EXOC6B: variants seen among roughly 807,000 people sequenced by gnomAD.
EXOC6B encodes exocyst complex component 6B.
EXOC6B carries 54 observed loss-of-function variants against 113.5 expected under a neutral mutation model. The observed-to-expected ratio is 0.48, with a 90% CI of 0.38 to 0.60. EXOC6B has a LOEUF of 0.60. Ranked by LOEUF, EXOC6B falls within the 20% of genes least tolerant of loss-of-function variation. The pLI is 0.00. For synonymous variants in EXOC6B, 357 were observed against 339.0 expected, an observed-to-expected ratio of 1.05 and a Z score of -0.58; for missense variants, 797 against 977.5, an observed-to-expected ratio of 0.82 and a Z score of 2.46.
intron 18 of EXOC6B, among the ~76,000 whole-genome samples, chr2:72,458,389 G>C (rs1697384090): frequency 6.6e-6 from 1 of 152,108 alleles, no homozygotes; most frequent in African/African-American, 2.4e-5. Flanking sequence ...AATCTATTTT[G>C]TGGAAACCCA....
At chr2:72,495,300 G>A in intron 15 of EXOC6B, 130 bp downstream of exon 15, 1 of 553,882 alleles carries the variant, frequency 1.8e-6, no homozygotes. Context: ...GCAGTGCCAT[G>A]CAGTGAAAAG....
chr2:72,555,247 T>C (rs1440524878), intron 8 of EXOC6B, among the ~76,000 whole-genome samples: 2 of 152,212 alleles, frequency 1.3e-5, no homozygotes, highest in East Asian at 3.8e-4. Context: ...GTAGCATGAT[T>C]TATAATCCTT....
At chr2:72,289,840 T>C (rs1039912976) in intron 20 of EXOC6B, among the ~76,000 whole-genome samples, 1 of 152,090 alleles carries the variant, frequency 6.6e-6, no homozygotes, top group Non-Finnish European at 1.5e-5. Flanking sequence ...TGGGCTATGA[T>C]CACACCATTG....
intron 6 of EXOC6B, among the ~76,000 whole-genome samples, chr2:72,660,981 CTT>C (rs981538720): frequency 4.6e-5 from 7 of 151,784 alleles, no homozygotes; most frequent in African/African-American, 1.7e-4. Context: ...CCTTTTTTCT[CTT>C]TCTTTTCTCT....
At position 72,559,434 on chromosome 2, in the gene EXOC6B, G is replaced by A. The variant is rs775424480; in HGVS notation, c.915+19C>T. 6.6e-7 allele frequency: 1 copy of A among 1,516,300 alleles called. No homozygotes were observed. The highest frequency in any genetic ancestry group is 8.9e-7 in the Non-Finnish European group (1 of 1,128,706). 93.9% of individuals were successfully genotyped at this position (1,516,300 alleles called of 1,614,324 possible). ...ACTCAATGGACATCTTTATTAGGCAGAGCCAGATAAAGACTCACCAGGACA... is the reference window on the plus strand; with the variant it reads ...ACTCAATGGACATCTTTATTAGGCAAAGCCAGATAAAGACTCACCAGGACA... On this transcript the variant is annotated intron_variant, in intron 8 of 21. Transcript: ENST00000272427.
At chr2:72,308,455 G>A (rs143326163) in intron 20 of EXOC6B, among the ~76,000 whole-genome samples, 142 of 152,286 alleles carry the variant, frequency 9.3e-4, no homozygotes, top group African/African-American at 3.3e-3. Flanking sequence ...GAAGGAATAC[G>A]TTAAGCTAAA....
At chr2:72,191,754 C>T (rs777982715) in intron 20 of EXOC6B, among the ~76,000 whole-genome samples, 26 of 152,054 alleles carry the variant, frequency 1.7e-4, no homozygotes, top group Non-Finnish European at 3.1e-4. Context: ...CTTAGGAATG[C>T]GATTATTATT....
At chr2:72,755,959 T>C (rs1416227157) in intron 1 of EXOC6B, among the ~76,000 whole-genome samples, 1 of 152,096 alleles carries the variant, frequency 6.6e-6, no homozygotes, top group Non-Finnish European at 1.5e-5. Flanking sequence ...CCATGGACAA[T>C]CAGGCTGCAA....
chr2:72,461,687 T>G (rs541558225), intron 18 of EXOC6B: 3 of 152,140 alleles, frequency 2.0e-5, no homozygotes, highest in Non-Finnish European at 4.4e-5. Context: ...ATTATTTCAT[T>G]AAGTTCAAAT....
chr2:72,293,336 G>T (rs1369876504), intron 20 of EXOC6B, among the ~76,000 whole-genome samples: 1 of 152,106 alleles, frequency 6.6e-6, no homozygotes, highest in African/African-American at 2.4e-5. Context: ...TATAGTAGAA[G>T]AATGGAGACA....
intron 20 of EXOC6B, among the ~76,000 whole-genome samples, chr2:72,301,421 G>A (rs1306216665): frequency 6.6e-6 from 1 of 152,192 alleles, no homozygotes; most frequent in Non-Finnish European, 1.5e-5. Context: ...CAGTAGGAAT[G>A]TTACCAGTTC....
intron 20 of EXOC6B, among the ~76,000 whole-genome samples, chr2:72,199,432 A>C (rs1679360219): frequency 6.6e-6 from 1 of 152,240 alleles, no homozygotes. Flanking sequence ...AAGTGAAGAG[A>C]TATGTCTTAA....
rs375972673 is a variant in EXOC6B at position 72,495,463 on chromosome 2, G to A, written c.1520C>T (p.Ala507Val). 4 of 1,604,270 alleles carry A rather than the reference G, an allele frequency of 2.5e-6. No homozygotes were observed. In the African/African-American group the frequency reaches 5.4e-5, roughly 21 times the overall value. Residue 507 changes from alanine to valine, a missense_variant, in exon 15 of 22, where the codon GCT becomes GTT. Physicochemically the swap from Ala to Val is moderately conservative, Grantham distance 64. Transcript: ENST00000272427. ...VYNQIKEFIY[A>V]CLKFSEDLHL... ...AAGATCTTCTGAAAACTTCAGACAA[G>A]CGTAGATAAATTCTTTAATTTGGTT... is the stretch of plus-strand genomic sequence containing the variant.
chr2:72,189,176 T>TA (rs927202350), intron 20 of EXOC6B, among the ~76,000 whole-genome samples: 7 of 152,228 alleles, frequency 4.6e-5, no homozygotes, highest in Admixed American at 3.9e-4. Flanking sequence ...GATTGAGTAT[T>TA]ATGTTTAGCT....
intron 18 of EXOC6B, chr2:72,462,445 C>T (rs941540782): frequency 2.0e-5 from 3 of 151,774 alleles, no homozygotes; most frequent in East Asian, 1.9e-4. Context: ...AAATTTAATC[C>T]CCAATGCAAC....
chr2:72,197,963 T>G (rs1212753297), intron 20 of EXOC6B, among the ~76,000 whole-genome samples: 1 of 152,188 alleles, frequency 6.6e-6, no homozygotes, highest in Non-Finnish European at 1.5e-5. Context: ...GTTTTGAAGC[T>G]GGATAGGACA....
chr2:72,305,442 T>C (rs1686798697), intron 20 of EXOC6B, among the ~76,000 whole-genome samples: 1 of 152,128 alleles, frequency 6.6e-6, no homozygotes, highest in African/African-American at 2.4e-5. Flanking sequence ...TTGTAAACCC[T>C]GTGAAGGAAA....
At position 72,394,505 on chromosome 2, in the gene EXOC6B, G is replaced by T. The variant is rs534892193; in HGVS notation, c.1981-14635C>A. ...AAGTGGCTTAAAAATTGAAATGGAGGTAATATAAAGTATCCTAAAAATAAC... is the reference window on the plus strand; with the variant it reads ...AAGTGGCTTAAAAATTGAAATGGAGTTAATATAAAGTATCCTAAAAATAAC... On this transcript the variant is annotated intron_variant, in intron 18 of 21. Transcript: ENST00000272427. Among the ~76,000 whole-genome samples, 13 of 152,048 alleles carry T rather than the reference G, an allele frequency of 8.5e-5. No homozygotes were observed. In the South Asian group the frequency reaches 2.1e-3, roughly 24 times the overall value.
chr2:72,650,716 A>T (rs1674103786), intron 6 of EXOC6B, among the ~76,000 whole-genome samples: 1 of 152,170 alleles, frequency 6.6e-6, no homozygotes, highest in Non-Finnish European at 1.5e-5. Context: ...AAATATGCAC[A>T]TGAAAAGATG....
Sources: allele counts gnomAD v4.1 joint callset (sites outside exome capture counted in the v4.1 genomes callset), GRCh38; gene constraint gnomAD v4.1.1; transcripts MANE v1.5; gene names NCBI Gene and HGNC (gene_info 2026-07-23, HGNC 2026-07-21).